The following JMY variants were observed in gnomAD, a reference collection of about 807,000 sequenced individuals.
JMY encodes junction-mediating and -regulatory protein.
In JMY, 46 loss-of-function variants were observed where a neutral mutation model predicts 103.3. That is an observed-to-expected ratio of 0.45 (90% CI 0.35 to 0.57). The LOEUF is 0.57. JMY is among the 20% of genes least tolerant of loss of function. The probability of loss-of-function intolerance (pLI) is 0.00; values close to 1 mark genes in which losing one functional copy is unlikely to be tolerated. For synonymous variants in JMY, 526 were observed against 489.3 expected, an observed-to-expected ratio of 1.07 and a Z score of -0.99; for missense variants, 1,238 against 1,255.2, an observed-to-expected ratio of 0.99 and a Z score of 0.21.
At chr5:79,294,775 T>A (rs181475403) in intron 4 of JMY, among the ~76,000 whole-genome samples, 1 of 151,802 alleles carries the variant, frequency 6.6e-6, no homozygotes, top group African/African-American at 2.4e-5. Flanking sequence ...GGAGAATAGC[T>A]TGAACTCAGG....
chr5:79,277,478 A>T (rs1327427027), intron 1 of JMY, among the ~76,000 whole-genome samples: 1 of 151,324 alleles, frequency 6.6e-6, no homozygotes, highest in Non-Finnish European at 1.5e-5. Flanking sequence ...AAAAAAAAAT[A>T]TATACAATAA....
Position 79,326,198 on chromosome 5 carries a change from T to C in JMY, c.*4596T>C, listed in dbSNP as rs1310199937. On this transcript the variant is annotated 3_prime_UTR_variant, in exon 11 of 11. Coordinates refer to ENST00000396137, the MANE Select transcript of JMY (RefSeq NM_152405.5). ...AAGTTTTGTTTTTTGCTGGTGTTTT[T>C]TGTTGTTTTTAATTAGGCACACTAA... 4 of 152,094 alleles carry C rather than the reference T, an allele frequency of 2.6e-5. No individual in the cohort carries two copies. Among genetic ancestry groups the C allele is most frequent in the Non-Finnish European group, 5.9e-5 (4 of 68,018 alleles). The allele number at this position is 152,094 out of a possible 1,614,324, so 9.4% of individuals were successfully genotyped here. A position where few individuals can be genotyped will look rare whatever the true frequency, so the allele number is the denominator to read the frequency against.
chr5:79,245,578 A>G (rs928737792), intron 1 of JMY, among the ~76,000 whole-genome samples: 2 of 152,148 alleles, frequency 1.3e-5, no homozygotes, highest in Non-Finnish European at 2.9e-5. Flanking sequence ...TAAAGGACCC[A>G]CAGCAGTTGA....
At chr5:79,258,909 C>T (rs1435204254) in intron 1 of JMY, among the ~76,000 whole-genome samples, 4 of 152,154 alleles carry the variant, frequency 2.6e-5, no homozygotes. Context: ...CCCTGCCATT[C>T]CCTGGGTCTT....
At chr5:79,246,260 T>C (rs1455591905) in intron 1 of JMY, among the ~76,000 whole-genome samples, 1 of 152,220 alleles carries the variant, frequency 6.6e-6, no homozygotes, top group East Asian at 1.9e-4. Flanking sequence ...ATCTTTCTCC[T>C]TGCCGTCCTA....
chr5:79,241,537 T>C (rs1437185267), intron 1 of JMY, among the ~76,000 whole-genome samples: 4 of 152,212 alleles, frequency 2.6e-5, no homozygotes, highest in Non-Finnish European at 4.4e-5. Flanking sequence ...AAGAGGTTTT[T>C]ACTTGGGGAT....
At chr5:79,293,144 A>G (rs972594164) in intron 4 of JMY, among the ~76,000 whole-genome samples, 31 of 152,086 alleles carry the variant, frequency 2.0e-4, no homozygotes, top group Admixed American at 6.6e-4. Context: ...GTTCTTCTTG[A>G]TGTGACAAAA....
chr5:79,291,029 G>A (rs1746404794), intron 3 of JMY, 101 bp from the exon 4 acceptor site: 4 of 779,036 alleles, frequency 5.1e-6, no homozygotes, highest in Non-Finnish European at 7.7e-6. Context: ...TATCATGACA[G>A]CAGGATTTGT....
At chr5:79,240,039 G>A (rs973061630) in intron 1 of JMY, among the ~76,000 whole-genome samples, 10 of 147,856 alleles carry the variant, frequency 6.8e-5, no homozygotes, top group Non-Finnish European at 1.2e-4. Context: ...TTTTTGAGAT[G>A]GAGTCTCGCT....
rs1439848501 is a variant in JMY at position 79,274,545 on chromosome 5, C to CT, written c.1033-3364dup. Among the ~76,000 whole-genome samples, 10 of 152,116 alleles carry CT rather than the reference C, an allele frequency of 6.6e-5. No individual in the cohort carries two copies. The East Asian group carries it at 1.5e-3, about 24-fold the overall frequency. On this transcript the variant is annotated intron_variant, in intron 1 of 10. Transcript: ENST00000396137. ...GCCTCAGCCTCCCCAGTAGCTGGGACTGTAGGTGTGCTCCTCCACACCTGG... is the reference window on the plus strand; with the variant it reads ...GCCTCAGCCTCCCCAGTAGCTGGGACTTGTAGGTGTGCTCCTCCACACCTGG...
intron 9 of JMY, among the ~76,000 whole-genome samples, chr5:79,315,359 TTTTCTAA>T (rs1356972068): frequency 6.6e-6 from 1 of 152,216 alleles, no homozygotes; most frequent in African/African-American, 2.4e-5. Context: ...TACTATTTTT[TTTTCTAA>T]TTTTTTTTGT....
Position 79,236,435 on chromosome 5 carries a change from C to T in JMY, c.-216C>T, listed in dbSNP as rs1030253622. 3 of 391,024 alleles carry T rather than the reference C, an allele frequency of 7.7e-6. No individual in the cohort carries two copies. The highest frequency in any genetic ancestry group is 1.1e-4 in the South Asian group (1 of 9,362). 24.2% of individuals were successfully genotyped at this position (391,024 alleles called of 1,614,324 possible). A position where few individuals can be genotyped will look rare whatever the true frequency, so the allele number is the denominator to read the frequency against. ...GGTGACCATGTGAACTACCTGCTCC[C>T]GGGACGCTTATTGTCCTTCTCTCGA... On this transcript the variant is annotated 5_prime_UTR_variant, in exon 1 of 11. Coordinates refer to ENST00000396137, the MANE Select transcript of JMY (RefSeq NM_152405.5).
chr5:79,287,591 G>A (rs988787825), intron 2 of JMY, among the ~76,000 whole-genome samples: 3 of 152,070 alleles, frequency 2.0e-5, no homozygotes, highest in Admixed American at 6.6e-5. Context: ...GCTGCAGTGC[G>A]CTAATGATTG....
intron 7 of JMY, 99 bp from the exon 8 acceptor site, chr5:79,312,303 AT>A (rs1747071037): frequency 1.7e-6 from 1 of 596,572 alleles, no homozygotes; most frequent in South Asian, 4.8e-5. Context: ...TCAGTGAATC[AT>A]CCCCTTTGGC....
In JMY at chr5:79,290,280, C is replaced by T; in HGVS notation, c.1357+9C>T. On this transcript the variant is annotated intron_variant, in intron 3 of 10. Transcript: ENST00000396137. ...AGCTAAAGCTCAAAAAGGTAGGTTT[C>T]TCAGTAAATTTATCCTTTAGGTATT... is the stretch of plus-strand genomic sequence containing the variant. 1 of 1,464,618 alleles carries T rather than the reference C, an allele frequency of 6.8e-7. No homozygotes were observed. Among genetic ancestry groups the T allele is most frequent in the Non-Finnish European group, 9.1e-7 (1 of 1,100,112 alleles). 90.7% of individuals were successfully genotyped at this position (1,464,618 alleles called of 1,614,324 possible).
At chr5:79,257,398 T>C (rs1318097231) in intron 1 of JMY, among the ~76,000 whole-genome samples, 4 of 151,794 alleles carry the variant, frequency 2.6e-5, no homozygotes, top group African/African-American at 9.7e-5. Flanking sequence ...AGTCCAAGAG[T>C]TCAAGAGCAG....
At chr5:79,254,571 G>A (rs1219702560) in intron 1 of JMY, among the ~76,000 whole-genome samples, 1 of 151,852 alleles carries the variant, frequency 6.6e-6, no homozygotes, top group East Asian at 1.9e-4. Context: ...ACTTCTTTTA[G>A]GATCTTTTCT....
chr5:79,320,630 G>A (rs1747420944), intron 10 of JMY, among the ~76,000 whole-genome samples: 1 of 152,098 alleles, frequency 6.6e-6, no homozygotes, highest in Admixed American at 6.6e-5. Context: ...GTCTTCTAAA[G>A]TAACTATAGC....
At chr5:79,271,850 G>A (rs1181806415) in intron 1 of JMY, among the ~76,000 whole-genome samples, 1 of 152,146 alleles carries the variant, frequency 6.6e-6, no homozygotes, top group East Asian at 1.9e-4. Context: ...GCTCACGCCT[G>A]TAATCCTAAG....
Sources: allele counts gnomAD v4.1 joint callset (sites outside exome capture counted in the v4.1 genomes callset), GRCh38; gene constraint gnomAD v4.1.1; transcripts MANE v1.5; gene names NCBI Gene and HGNC (gene_info 2026-07-23, HGNC 2026-07-21).